The following SEMA5A variants were observed in gnomAD, a reference collection of about 807,000 sequenced individuals.
SEMA5A encodes the protein semaphorin 5A, also known as semaphorin-5A.
In SEMA5A, 55 loss-of-function variants were observed where a neutral mutation model predicts 135.5. That is an observed-to-expected ratio of 0.41 (90% CI 0.33 to 0.51). SEMA5A has a LOEUF of 0.51. Among genes scored for constraint, SEMA5A ranks in the 20% least tolerant of loss-of-function variants. The probability of loss-of-function intolerance (pLI) is 0.37; values close to 1 mark genes in which losing one functional copy is unlikely to be tolerated. For missense variants in SEMA5A, 1,290 were observed against 1,419.9 expected (o/e 0.91, Z 1.47); for synonymous variants, 580 against 546.5 (o/e 1.06, Z -0.85).
intron 18 of SEMA5A, among the ~76,000 whole-genome samples, chr5:9,059,662 G>T (rs1169931050): frequency 6.6e-6 from 1 of 152,068 alleles, no homozygotes; most frequent in Non-Finnish European, 1.5e-5. Context: ...CAATTCTTCT[G>T]CCTCAACCTC....
chr5:9,181,903 T>A (rs1464700666), intron 11 of SEMA5A, among the ~76,000 whole-genome samples: 2 of 151,636 alleles, frequency 1.3e-5, no homozygotes, highest in African/African-American at 4.8e-5. Flanking sequence ...GAGTCCCTCA[T>A]CTATTAAGAA....
intron 16 of SEMA5A, among the ~76,000 whole-genome samples, chr5:9,067,580 C>CATAAA (rs10572661): frequency 5.0e-4 from 76 of 151,140 alleles, no homozygotes; most frequent in African/African-American, 1.6e-3. Context: ...TAAGCTTTAT[C>CATAAA]ATAAAATAAA....
intron 1 of SEMA5A, among the ~76,000 whole-genome samples, chr5:9,541,322 A>G (rs1390865103): frequency 6.6e-6 from 1 of 152,224 alleles, no homozygotes; most frequent in Non-Finnish European, 1.5e-5. Flanking sequence ...ATGTAACATA[A>G]AATAACATTT....
rs533682060 is a variant in SEMA5A at position 9,330,864 on chromosome 5, G to C, written c.224+6849C>G. 2.6e-5 allele frequency among the ~76,000 whole-genome samples: 4 copies of C among 152,286 alleles called. No individual in the cohort carries two copies. The South Asian group carries it at 6.2e-4, about 24-fold the overall frequency. On this transcript the variant is annotated intron_variant, in intron 4 of 22. Transcript: ENST00000382496. ...CTAAAGTGGAGGTTCATAAAGATTT[G>C]ATTGGAAGAGGACAAAAAAGACTGC...
At chr5:9,054,356 G>C (rs974127329) in intron 18 of SEMA5A, 99 bp from the exon 19 acceptor site, 6 of 1,433,624 alleles carry the variant, frequency 4.2e-6, no homozygotes, top group Non-Finnish European at 4.7e-6. Context: ...TTTAGTAAGG[G>C]AAACAAAATG....
At chr5:9,353,195 GGAAA>G (rs1754253053) in intron 3 of SEMA5A, among the ~76,000 whole-genome samples, 1 of 94,848 alleles carries the variant, frequency 1.1e-5, no homozygotes, top group African/African-American at 5.1e-5. Context: ...GGAAGGGAAA[GGAAA>G]GGAAAGGAAA....
intron 21 of SEMA5A, among the ~76,000 whole-genome samples, chr5:9,046,833 A>G (rs1370814866): frequency 6.6e-6 from 1 of 152,196 alleles, no homozygotes; most frequent in Non-Finnish European, 1.5e-5. Flanking sequence ...ACTCACTGTC[A>G]GGCAAAACTC....
intron 5 of SEMA5A, among the ~76,000 whole-genome samples, chr5:9,241,982 T>A (rs1345780773): frequency 1.1e-4 from 17 of 152,174 alleles, no homozygotes. Flanking sequence ...AAAGATAACA[T>A]TAAACAAAAC....
At chr5:9,111,669 T>A (rs567808651) in intron 15 of SEMA5A, among the ~76,000 whole-genome samples, 1 of 152,118 alleles carries the variant, frequency 6.6e-6, no homozygotes, top group African/African-American at 2.4e-5. Flanking sequence ...AGCCTCCCCA[T>A]TGAGAGAGGT....
At chr5:9,238,503 T>G (rs1393008025) in intron 5 of SEMA5A, among the ~76,000 whole-genome samples, 2 of 152,160 alleles carry the variant, frequency 1.3e-5, no homozygotes, top group African/African-American at 2.4e-5. Flanking sequence ...TTTTAAATAT[T>G]TTTTCTCAGA....
chr5:9,461,949 A>G (rs1759072831), intron 1 of SEMA5A, among the ~76,000 whole-genome samples: 2 of 152,202 alleles, frequency 1.3e-5, no homozygotes, highest in African/African-American at 2.4e-5. Flanking sequence ...AGAAAAAATC[A>G]GGGATCAAAG....
At chr5:9,150,480 A>C (rs1053396903) in intron 12 of SEMA5A, among the ~76,000 whole-genome samples, 1 of 152,224 alleles carries the variant, frequency 6.6e-6, no homozygotes, top group Non-Finnish European at 1.5e-5. Flanking sequence ...TGTGCTAAAA[A>C]AAAATGCTAA....
intron 1 of SEMA5A, among the ~76,000 whole-genome samples, chr5:9,527,001 G>T (rs986786589): frequency 2.0e-5 from 3 of 152,186 alleles, no homozygotes; most frequent in East Asian, 1.9e-4. Flanking sequence ...GTCTCAGAAG[G>T]GTTGTATGGC....
At chr5:9,308,639 G>A (rs1022817052) in intron 5 of SEMA5A, among the ~76,000 whole-genome samples, 7 of 152,076 alleles carry the variant, frequency 4.6e-5, no homozygotes, top group African/African-American at 9.7e-5. Context: ...TTCACTGTAA[G>A]CCAGATGTCA....
chr5:9,240,326 G>C (rs1748127773), intron 5 of SEMA5A, among the ~76,000 whole-genome samples: 1 of 151,954 alleles, frequency 6.6e-6, no homozygotes, highest in South Asian at 2.1e-4. Context: ...TACCTGAATA[G>C]AGAACAGGAT....
intron 5 of SEMA5A, among the ~76,000 whole-genome samples, chr5:9,293,413 A>G (rs564799273): frequency 4.4e-4 from 67 of 152,334 alleles, no homozygotes; most frequent in African/African-American, 1.5e-3. Context: ...ATGAAAAATA[A>G]ACTTCCCTTT....
At chr5:9,050,563 C>A (rs1736515470) in intron 20 of SEMA5A, 106 bp from the exon 21 acceptor site, 3 of 930,574 alleles carry the variant, frequency 3.2e-6, no homozygotes, top group Non-Finnish European at 4.6e-6. Context: ...TTATGTGACA[C>A]AAAGTTTCAA....
chr5:9,525,659 C>T (rs937329354), intron 1 of SEMA5A, among the ~76,000 whole-genome samples: 2 of 152,212 alleles, frequency 1.3e-5, no homozygotes, highest in African/African-American at 4.8e-5. Flanking sequence ...CACTGGGACA[C>T]CTCAAAATGC....
intron 1 of SEMA5A, among the ~76,000 whole-genome samples, chr5:9,468,549 A>G (rs1042651030): frequency 6.7e-6 from 1 of 149,334 alleles, no homozygotes; most frequent in Admixed American, 6.7e-5. Context: ...TAGTATGTGA[A>G]CTCTTCCTAG....
Sources: gnomAD v4.1 joint callset for allele counts (sites outside exome capture counted in the v4.1 genomes callset) on GRCh38, gnomAD v4.1.1 for gene constraint, MANE v1.5 for transcripts, NCBI Gene and HGNC (gene_info 2026-07-23, HGNC 2026-07-21) for gene names.